The following ZCCHC7 variants were observed in gnomAD, a reference collection of about 807,000 sequenced individuals.
The protein encoded by ZCCHC7 is zinc finger CCHC-type containing 7, also known as zinc finger CCHC domain-containing protein 7.
In ZCCHC7, 35 loss-of-function variants were observed where a neutral mutation model predicts 52.0. That is an observed-to-expected ratio of 0.67 (90% CI 0.51 to 0.89). ZCCHC7 has a LOEUF of 0.89. ZCCHC7 is among the 40% of genes least tolerant of loss of function. ZCCHC7 has a pLI of 0.00. For synonymous variants in ZCCHC7, 217 were observed against 221.5 expected (o/e 0.98, Z 0.18); for missense variants, 574 against 649.1 (o/e 0.88, Z 1.26).
chr9:37,302,281 A>G, intron 3 of ZCCHC7, 50 bp downstream of exon 3: 1 of 1,422,522 alleles, frequency 7.0e-7, no homozygotes, highest in Non-Finnish European at 9.8e-7. Context: ...CCTTTGCTTC[A>G]TAGTTTATTA....
At chr9:37,212,506 T>C (rs563500640) in intron 2 of ZCCHC7, among the ~76,000 whole-genome samples, 6 of 152,168 alleles carry the variant, frequency 3.9e-5, no homozygotes, top group Non-Finnish European at 8.8e-5. Context: ...CTTGCTTTCT[T>C]TTTCTCTTTC....
chr9:37,338,970 T>TACA (rs1564265021), intron 6 of ZCCHC7, among the ~76,000 whole-genome samples: 1 of 152,182 alleles, frequency 6.6e-6, no homozygotes, highest in African/African-American at 2.4e-5. Context: ...GTGTACATAA[T>TACA]ACATGTTTCA....
At chr9:37,132,137 TAGAA>T (rs1014338632) in intron 2 of ZCCHC7, among the ~76,000 whole-genome samples, 4 of 152,170 alleles carry the variant, frequency 2.6e-5, no homozygotes, top group African/African-American at 9.7e-5. Context: ...TCTCATATAT[TAGAA>T]AGGCAGATCT....
At chr9:37,169,537 G>A (rs1821615433) in intron 2 of ZCCHC7, among the ~76,000 whole-genome samples, 1 of 152,052 alleles carries the variant, frequency 6.6e-6, no homozygotes, top group Non-Finnish European at 1.5e-5. Context: ...TTTATCTTAA[G>A]TCTAATTCCC....
At chr9:37,273,822 A>G (rs1371816946) in intron 2 of ZCCHC7, among the ~76,000 whole-genome samples, 1 of 149,470 alleles carries the variant, frequency 6.7e-6, no homozygotes, top group East Asian at 1.9e-4. Context: ...CATATTCCCT[A>G]TGTGTTTTTT....
intron 2 of ZCCHC7, among the ~76,000 whole-genome samples, chr9:37,242,620 C>T (rs1481846028): frequency 6.6e-6 from 1 of 151,690 alleles, no homozygotes; most frequent in Non-Finnish European, 1.5e-5. Context: ...AGTACATATT[C>T]CTGTATTAAT....
chr9:37,327,965 AG>A, intron 6 of ZCCHC7, 131 bp downstream of exon 6: 1 of 925,198 alleles, frequency 1.1e-6, no homozygotes, highest in Non-Finnish European at 1.6e-6. Context: ...TTTTGTACGG[AG>A]AAAGCAATAA....
At chr9:37,273,699 A>G (rs1827543674) in intron 2 of ZCCHC7, among the ~76,000 whole-genome samples, 1 of 152,186 alleles carries the variant, frequency 6.6e-6, no homozygotes, top group South Asian at 2.1e-4. Context: ...TTGCATTCAT[A>G]TCTCACTATT....
At chr9:37,169,703 A>G (rs911086996) in intron 2 of ZCCHC7, among the ~76,000 whole-genome samples, 1 of 152,238 alleles carries the variant, frequency 6.6e-6, no homozygotes, top group Non-Finnish European at 1.5e-5. Flanking sequence ...AAAGTAGACT[A>G]TAAAGAAAAT....
chr9:37,317,440 A>C (rs903712862), intron 5 of ZCCHC7, among the ~76,000 whole-genome samples: 1 of 152,226 alleles, frequency 6.6e-6, no homozygotes, highest in Non-Finnish European at 1.5e-5. Flanking sequence ...TCCTGGGTGC[A>C]GTGGCACCTG....
At chr9:37,186,779 G>T in intron 2 of ZCCHC7, 1 of 510,310 alleles carries the variant, frequency 2.0e-6, no homozygotes, top group South Asian at 2.7e-5. Context: ...TCTATGGTTA[G>T]GTTTTAATTA....
At chr9:37,123,619 A>T (rs1842417780) in intron 1 of ZCCHC7, among the ~76,000 whole-genome samples, 1 of 152,142 alleles carries the variant, frequency 6.6e-6, no homozygotes, top group South Asian at 2.1e-4. Flanking sequence ...GAGTAGTACA[A>T]ACTTGTAACT....
In ZCCHC7 at chr9:37,305,723, C is replaced by T. The variant is rs765240406; in HGVS notation, c.951+9C>T. The T allele has an allele frequency of 6.2e-7, 1 of 1,612,338 alleles. No homozygotes were observed. Among genetic ancestry groups the T allele is most frequent in the South Asian group, 1.1e-5 (1 of 90,922 alleles). ...TAGGCCACTATACAGATGTGAGTATCCTGCATATAACTAATTTGTCAGGCT... is the reference window on the plus strand; with the variant it reads ...TAGGCCACTATACAGATGTGAGTATTCTGCATATAACTAATTTGTCAGGCT... On this transcript the variant is annotated intron_variant, in intron 5 of 8. Coordinates refer to ENST00000336755, the MANE Select transcript of ZCCHC7 (RefSeq NM_032226.3).
intron 6 of ZCCHC7, among the ~76,000 whole-genome samples, chr9:37,336,323 CT>C (rs1374075133): frequency 6.6e-6 from 1 of 152,102 alleles, no homozygotes; most frequent in East Asian, 1.9e-4. Flanking sequence ...AAGAGCATTC[CT>C]ATTTCATGTT....
At chr9:37,315,443 T>TAA (rs36091197) in intron 5 of ZCCHC7, among the ~76,000 whole-genome samples, 89,684 of 151,634 alleles carry the variant, frequency 0.59, 26,963 homozygotes, top group African/African-American at 0.71. Context: ...AAAAAAATCA[T>TAA]AAGCAATACT....
chr9:37,195,965 A>G (rs1469420753), intron 2 of ZCCHC7, among the ~76,000 whole-genome samples: 3 of 152,214 alleles, frequency 2.0e-5, no homozygotes, highest in Admixed American at 6.5e-5. Context: ...ACTGATAGCA[A>G]TAGGGAAGTT....
At chr9:37,134,285 G>A (rs1842912847) in intron 2 of ZCCHC7, among the ~76,000 whole-genome samples, 1 of 151,940 alleles carries the variant, frequency 6.6e-6, no homozygotes, top group African/African-American at 2.4e-5. Context: ...GTAATACCTA[G>A]ATTCTTTGTC....
Position 37,349,442 on chromosome 9 carries a change from A to G in ZCCHC7, c.1073A>G (p.His358Arg). 1 of 1,614,018 alleles carries G rather than the reference A, an allele frequency of 6.2e-7. No individual in the cohort carries two copies. Among genetic ancestry groups the G allele is most frequent in the Admixed American group, 1.7e-5 (1 of 60,016 alleles). Residue 358 changes from histidine (H) to arginine (R), a missense_variant, in exon 7 of 9, where the codon CAT becomes CGT. Physicochemically the swap from His to Arg is conservative, Grantham distance 29. This residue lies in a region of ZCCHC7 where 403 missense variants were observed against 461.2 expected (regional missense o/e 0.87). Coordinates refer to ENST00000336755, the MANE Select transcript of ZCCHC7 (RefSeq NM_032226.3). ...TGCTATCACTGCGCGCAAAAAGGCCATTATGGACACGTAAGTTTGAGTGAC... is the reference window on the plus strand; with the variant it reads ...TGCTATCACTGCGCGCAAAAAGGCCGTTATGGACACGTAAGTTTGAGTGAC... ...AYCYHCAQKGHYGHECPEREV... is the reference protein window; with the variant it reads ...AYCYHCAQKGRYGHECPEREV...
intron 2 of ZCCHC7, among the ~76,000 whole-genome samples, chr9:37,299,282 C>T (rs1828927259): frequency 6.6e-6 from 1 of 152,090 alleles, no homozygotes; most frequent in Non-Finnish European, 1.5e-5. Flanking sequence ...GTGCTAGTTG[C>T]AAAGGTCTGG....
Sources: gnomAD v4.1 joint callset for allele counts (sites outside exome capture counted in the v4.1 genomes callset) on GRCh38, gnomAD v4.1.1 for gene constraint, gnomAD v4.1.1 regional missense constraint, MANE v1.5 for transcripts, NCBI Gene and HGNC (gene_info 2026-07-23, HGNC 2026-07-21) for gene names.